Variants in CHCHD3 observed in about 807,000 individuals in gnomAD.
CHCHD3 encodes the protein MICOS complex subunit MIC19.
In CHCHD3, 20 loss-of-function variants were observed where a neutral mutation model predicts 38.2. The ratio of observed to expected loss-of-function variants is 0.52; its 90% CI spans 0.37 to 0.76. The LOEUF is 0.76. CHCHD3 is among the 30% of genes least tolerant of loss of function. CHCHD3 has a pLI of 0.00. For synonymous variants in CHCHD3, 82 were observed against 100.0 expected (o/e 0.82, Z 1.07); for missense variants, 245 against 279.2 (o/e 0.88, Z 0.87).
chr7:132,948,039 C>A (rs1371873173), intron 4 of CHCHD3, among the ~76,000 whole-genome samples: 3 of 151,990 alleles, frequency 2.0e-5, no homozygotes, highest in Non-Finnish European at 4.4e-5. Context: ...ATATACAAAA[C>A]TTGCAATGTC....
At chr7:132,911,226 AAACT>A (rs1809939874) in intron 4 of CHCHD3, among the ~76,000 whole-genome samples, 1 of 152,198 alleles carries the variant, frequency 6.6e-6, no homozygotes, top group East Asian at 1.9e-4. Flanking sequence ...TTGGAATTAA[AAACT>A]AATAGGAACA....
intron 3 of CHCHD3, among the ~76,000 whole-genome samples, chr7:132,993,523 T>C (rs1812336406): frequency 6.6e-6 from 1 of 152,232 alleles, no homozygotes; most frequent in Non-Finnish European, 1.5e-5. Context: ...TCTCTCCGCC[T>C]ACTGTGCCCC....
intron 4 of CHCHD3, among the ~76,000 whole-genome samples, chr7:132,922,272 A>C (rs1585640860): frequency 6.6e-6 from 1 of 152,156 alleles, no homozygotes; most frequent in Non-Finnish European, 1.5e-5. Context: ...AGAAGGAAGA[A>C]GGGGGTTGAC....
chr7:133,011,921 T>A (rs985039904), intron 3 of CHCHD3, among the ~76,000 whole-genome samples: 3 of 152,232 alleles, frequency 2.0e-5, no homozygotes, highest in African/African-American at 7.2e-5. Flanking sequence ...CTGACATTTA[T>A]TGAATGGTTG....
chr7:132,950,029 T>C (rs1238993185), intron 4 of CHCHD3, among the ~76,000 whole-genome samples: 1 of 152,170 alleles, frequency 6.6e-6, no homozygotes, highest in Admixed American at 6.6e-5. Flanking sequence ...CATAATTCTG[T>C]TGTAAAACAT....
At chr7:132,794,261 C>T (rs992616009) in intron 7 of CHCHD3, among the ~76,000 whole-genome samples, 2 of 152,206 alleles carry the variant, frequency 1.3e-5, no homozygotes, top group South Asian at 2.1e-4. Context: ...AACTTACCCA[C>T]TCAAAAACCA....
At chr7:133,015,740 G>A (rs1813010843) in intron 3 of CHCHD3, among the ~76,000 whole-genome samples, 1 of 152,158 alleles carries the variant, frequency 6.6e-6, no homozygotes, top group Non-Finnish European at 1.5e-5. Flanking sequence ...TATGACCTTG[G>A]TGTATTAGTC....
intron 4 of CHCHD3, among the ~76,000 whole-genome samples, chr7:132,963,704 C>T (rs1157663624): frequency 6.6e-6 from 1 of 151,538 alleles, no homozygotes; most frequent in East Asian, 1.9e-4. Context: ...TACACACACA[C>T]ACACACACAT....
chr7:132,983,520 C>A (rs552829463), intron 3 of CHCHD3, among the ~76,000 whole-genome samples: 1 of 152,280 alleles, frequency 6.6e-6, no homozygotes, highest in Admixed American at 6.5e-5. Context: ...TCAGGAGTTA[C>A]GAGTATCTGC....
intron 2 of CHCHD3, among the ~76,000 whole-genome samples, chr7:133,045,665 T>C (rs1011497393): frequency 6.6e-5 from 10 of 152,110 alleles, no homozygotes; most frequent in African/African-American, 2.4e-4. Context: ...TCTCGCAACA[T>C]ATGTATATGC....
chr7:133,051,312 C>A (rs1019799479), intron 2 of CHCHD3, among the ~76,000 whole-genome samples: 2 of 152,154 alleles, frequency 1.3e-5, no homozygotes, highest in African/African-American at 4.8e-5. Flanking sequence ...CATAACAGGG[C>A]AAGCAAACAG....
intron 3 of CHCHD3, among the ~76,000 whole-genome samples, chr7:133,007,162 A>G (rs576456990): frequency 3.2e-4 from 48 of 152,190 alleles, no homozygotes; most frequent in Non-Finnish European, 5.1e-4. Context: ...ACTTTGATCT[A>G]TATTGATAGG....
intron 1 of CHCHD3, among the ~76,000 whole-genome samples, chr7:133,072,809 G>C (rs369624740): frequency 2.9e-4 from 41 of 143,030 alleles, no homozygotes; most frequent in Middle Eastern, 3.8e-3. Flanking sequence ...CTGGGCAACA[G>C]AGTGAGACTC....
At chr7:132,815,805 A>C (rs144993937) in intron 6 of CHCHD3, among the ~76,000 whole-genome samples, 3 of 152,248 alleles carry the variant, frequency 2.0e-5, no homozygotes, top group African/African-American at 7.2e-5. Flanking sequence ...GGGTTGAACA[A>C]ATTTTTATAT....
At chr7:132,917,338 G>T (rs970606947) in intron 4 of CHCHD3, among the ~76,000 whole-genome samples, 1 of 151,958 alleles carries the variant, frequency 6.6e-6, no homozygotes, top group African/African-American at 2.4e-5. Context: ...CTAGAAAAGA[G>T]CCAGTCGTAA....
chr7:132,855,795 T>C (rs1412754346), intron 5 of CHCHD3, among the ~76,000 whole-genome samples: 1 of 150,416 alleles, frequency 6.6e-6, no homozygotes, highest in South Asian at 2.1e-4. Flanking sequence ...CTAAAAGTTT[T>C]ACCCCTCAAC....
At chr7:132,987,840 A>G (rs541176172) in intron 3 of CHCHD3, among the ~76,000 whole-genome samples, 13 of 152,284 alleles carry the variant, frequency 8.5e-5, no homozygotes, top group Admixed American at 5.2e-4. Context: ...TTCTGCCTCT[A>G]CCACCAGAGA....
At chr7:133,081,824 C>A (rs11769814) in intron 1 of CHCHD3, 33 bp downstream of exon 1, 1 of 1,549,296 alleles carries the variant, frequency 6.5e-7, no homozygotes, top group East Asian at 2.4e-5. Context: ...CCGAGTCCAA[C>A]CACTGGCCCT....
chr7:132,906,189 T>A (rs1423048490), intron 4 of CHCHD3, among the ~76,000 whole-genome samples: 1 of 152,172 alleles, frequency 6.6e-6, no homozygotes, highest in East Asian at 1.9e-4. Context: ...TTTAAGAAAA[T>A]TTTTAATTAA....
Sources: gnomAD v4.1 joint callset for allele counts (sites outside exome capture counted in the v4.1 genomes callset) on GRCh38, gnomAD v4.1.1 for gene constraint, MANE v1.5 for transcripts, NCBI Gene and HGNC (gene_info 2026-07-23, HGNC 2026-07-21) for gene names.